The following MYH14 variants were observed in gnomAD, a reference collection of about 807,000 sequenced individuals.
MYH14 encodes the protein myosin heavy chain 14, also known as myosin-14.
MYH14 carries 123 observed loss-of-function variants against 255.5 expected under a neutral mutation model. The observed-to-expected ratio is 0.48, with a 90% confidence interval of 0.42 to 0.56. The LOEUF is 0.56. MYH14 is among the 20% of genes least tolerant of loss of function. The pLI is 0.00. For missense variants in MYH14, 2,423 were observed against 2,802.3 expected, an observed-to-expected ratio of 0.86 and a Z score of 3.06; for synonymous variants, 1,095 against 1,161.2, an observed-to-expected ratio of 0.94 and a Z score of 1.16.
intron 8 of MYH14, among the ~76,000 whole-genome samples, chr19:50,228,866 G>A (rs917406407): frequency 5.9e-5 from 9 of 152,124 alleles, no homozygotes; most frequent in African/African-American, 1.7e-4. Context: ...ATCAGGTCCC[G>A]CCCCCAGGCC....
chr19:50,227,074 G>C (rs576556064), intron 8 of MYH14, 108 bp downstream of exon 8: 45 of 646,624 alleles, frequency 7.0e-5, no homozygotes, highest in South Asian at 6.2e-4. Context: ...CTGCTACTCA[G>C]ATGGGACCTG....
chr19:50,210,641 G>A lies in MYH14; in HGVS notation c.276G>A (p.Pro92=), dbSNP rs913915720. The change falls in exon 2 of 43, where the codon CCG becomes CCA. Residue 92 remains proline (P), a synonymous_variant. Transcript: ENST00000642316. ...AGAGCGGGAGGCGGCTGCGACTGCCGCGGGACCAGATCCAGCGCATGAACC... is the reference window on the plus strand; with the variant it reads ...AGAGCGGGAGGCGGCTGCGACTGCCACGGGACCAGATCCAGCGCATGAACC... The part of the protein sequence containing the change: ...LAESGRRLRL[P]RDQIQRMNPP... 3.2e-6 allele frequency: 5 copies of A among 1,570,558 alleles called. No homozygotes were observed. The highest frequency in any genetic ancestry group is 1.2e-5 in the South Asian group (1 of 85,756).
chr19:50,278,224 C>T lies in MYH14; in HGVS notation c.3967C>T (p.Gln1323Ter). The part of the protein sequence containing the change: ...RRLELQLQEV[Q>*]GRAGDGERAR... ...CCTGGAGTTACAGCTGCAGGAGGTGCAGGGCCGGGCTGGTGATGGGGAGAG... is the reference window on the plus strand; with the variant it reads ...CCTGGAGTTACAGCTGCAGGAGGTGTAGGGCCGGGCTGGTGATGGGGAGAG... The change falls in exon 30 of 43, where the codon CAG becomes TAG. Residue 1323 changes from glutamine (Q) to a stop codon, truncating the protein, a stop_gained. Coordinates refer to ENST00000642316, the MANE Select transcript of MYH14 (RefSeq NM_001145809.2). LOFTEE classifies it high-confidence loss of function. 2 of 1,602,388 alleles carry T rather than the reference C, an allele frequency of 1.2e-6. No individual in the cohort carries two copies. The highest frequency in any genetic ancestry group is 1.3e-5 in the African/African-American group (1 of 74,808).
chr19:50,239,612 C>T (rs1046927283), intron 10 of MYH14, among the ~76,000 whole-genome samples: 4 of 151,920 alleles, frequency 2.6e-5, no homozygotes, highest in Admixed American at 6.6e-5. Flanking sequence ...TGCAGTGGCC[C>T]GATCTCCGCT....
At position 50,310,143 on chromosome 19, in the gene MYH14, C is replaced by G. The variant is rs186982330; in HGVS notation, c.*353C>G. The G allele has an allele frequency of 5.7e-6, 2 of 353,600 alleles. No individual in the cohort carries two copies. Among genetic ancestry groups the G allele is most frequent in the African/African-American group, 4.3e-5 (2 of 46,182 alleles). 21.9% of individuals were successfully genotyped at this position (353,600 alleles called of 1,614,324 possible). The stretch of plus-strand genomic sequence containing the variant: ...GGAGTGAGACGGCTCCTCCACCATC[C>G]TCAGCCAGTGCAACCCATTCCCTCT... On this transcript the variant is annotated 3_prime_UTR_variant, in exon 43 of 43. Coordinates refer to ENST00000642316, the MANE Select transcript of MYH14 (RefSeq NM_001145809.2).
chr19:50,223,042 ACT>A, intron 3 of MYH14, 39 bp from the exon 4 acceptor site: 2 of 1,597,532 alleles, frequency 1.3e-6, no homozygotes, highest in Non-Finnish European at 1.7e-6. Context: ...CCTGCTAGAG[ACT>A]CTCTCAGATG....
chr19:50,247,514 A>T (rs1019355679), intron 12 of MYH14, among the ~76,000 whole-genome samples: 2 of 151,966 alleles, frequency 1.3e-5, no homozygotes, highest in African/African-American at 4.8e-5. Flanking sequence ...TAAAAAAATT[A>T]AAAAATTTAA....
Position 50,275,985 on chromosome 19 carries a change from C to A in MYH14, c.3468-6C>A. On this transcript the variant is annotated splice_region_variant and splice_polypyrimidine_tract_variant and intron_variant, in intron 27 of 42. Coordinates refer to ENST00000642316, the MANE Select transcript of MYH14 (RefSeq NM_001145809.2). ...GTATCAACTCCACGGTTCTTGTCAC[C>A]CCCAGGGCAGAAGACGAGGGTGGGG... is the stretch of plus-strand genomic sequence containing the variant. The A allele has an allele frequency of 3.1e-6, 5 of 1,610,950 alleles. No individual in the cohort carries two copies. The highest frequency in any genetic ancestry group is 4.2e-6 in the Non-Finnish European group (5 of 1,178,404).
chr19:50,232,666 G>C (rs1044141139), intron 10 of MYH14, among the ~76,000 whole-genome samples: 1 of 151,018 alleles, frequency 6.6e-6, no homozygotes, highest in African/African-American at 2.4e-5. Context: ...GAGGGGCACA[G>C]CTTTAAGCAG....
intron 1 of MYH14, 63 bp from the exon 2 acceptor site, chr19:50,210,300 G>C (rs1451687701): frequency 2.8e-6 from 4 of 1,436,532 alleles, no homozygotes; most frequent in Non-Finnish European, 3.7e-6. Context: ...ATTTGGGGTA[G>C]GGAAGGGAGG....
In MYH14 at chr19:50,309,774, C is replaced by G; in HGVS notation, c.6095C>G (p.Pro2032Arg). Residue 2032 changes from proline to arginine, a missense_variant, in exon 43 of 43, where the codon CCA (proline) becomes CGA (arginine). By Grantham distance (103) the Pro-to-Arg change is moderately radical (BLOSUM62 -2). Transcript: ENST00000642316. The stretch of plus-strand genomic sequence containing the variant: ...TCCCCGGAGCCTGAGGGGTCCCCAC[C>G]AGCCCACCCCCAGTGACCCTACCCT... ...GPSPEPEGSP[P>R]AHPQ The G allele has an allele frequency of 6.5e-7, 1 of 1,542,750 alleles. No individual in the cohort carries two copies. Among genetic ancestry groups the G allele is most frequent in the South Asian group, 1.2e-5 (1 of 85,736 alleles).
At chr19:50,308,860 A>G in intron 41 of MYH14, 145 bp from the exon 42 acceptor site, 1 of 816,810 alleles carries the variant, frequency 1.2e-6, no homozygotes, top group Admixed American at 2.9e-5. Context: ...GATTTAGGAG[A>G]AAAGAACAAG....
Position 50,309,183 on chromosome 19 carries a change from G to A in MYH14, c.5960+6G>A, listed in dbSNP as rs1170583551. ...ACACTGAGGAACCGGCTTCGGTATG[G>A]TCATCCCACGTACAGGCCTGACGGG... On this transcript the variant is annotated splice_donor_region_variant and intron_variant, in intron 42 of 42. Coordinates refer to ENST00000642316, the MANE Select transcript of MYH14 (RefSeq NM_001145809.2). 2.9e-5 allele frequency: 47 copies of A among 1,613,638 alleles called. No homozygotes were observed. The highest frequency in any genetic ancestry group is 3.9e-5 in the Non-Finnish European group (46 of 1,179,634).
At chr19:50,269,092 A>T (rs1399358589) in intron 24 of MYH14, among the ~76,000 whole-genome samples, 2 of 152,246 alleles carry the variant, frequency 1.3e-5, no homozygotes, top group Admixed American at 1.3e-4. Flanking sequence ...CTGGTTTTAA[A>T]TTTAAAATAA....
chr19:50,295,122 A>G (rs547845790), intron 39 of MYH14, among the ~76,000 whole-genome samples: 15 of 151,448 alleles, frequency 9.9e-5, no homozygotes, highest in Non-Finnish European at 1.5e-4. Context: ...TCAGGAGATC[A>G]AGACCATCCT....
intron 33 of MYH14, among the ~76,000 whole-genome samples, chr19:50,283,229 C>A (rs546923678): frequency 3.2e-4 from 49 of 152,156 alleles, no homozygotes; most frequent in African/African-American, 1.2e-3. Context: ...AAGCGATTCT[C>A]GTGCCTCAGC....
In MYH14 at chr19:50,309,927, A is replaced by AC; in HGVS notation, c.*142dup. 1.1e-6 allele frequency: 1 copy of AC among 898,040 alleles called. No individual in the cohort carries two copies. The allele number at this position is 898,040 out of a possible 1,614,324, so 55.6% of individuals were successfully genotyped here. A position where few individuals can be genotyped will look rare whatever the true frequency, so the allele number is the denominator to read the frequency against. On this transcript the variant is annotated 3_prime_UTR_variant, in exon 43 of 43. Transcript: ENST00000642316. ...ATGGTGCAGCACTCTGGCATTTATC[A>AC]CCCCCACCTGGGTCCCCTGCAACCT...
At chr19:50,244,401 T>C (rs1298355928) in intron 11 of MYH14, 64 bp downstream of exon 11, 2 of 1,301,114 alleles carry the variant, frequency 1.5e-6, no homozygotes, top group Admixed American at 1.7e-5. Flanking sequence ...CCAGCCCTCC[T>C]GCACCCCTGT....
intron 41 of MYH14, among the ~76,000 whole-genome samples, chr19:50,307,494 A>C (rs752073685): frequency 3.3e-5 from 5 of 152,166 alleles, no homozygotes; most frequent in Admixed American, 6.5e-5. Context: ...TACTGTGTTT[A>C]ATTCTTATCA....
Sources: gnomAD v4.1 joint callset for allele counts (sites outside exome capture counted in the v4.1 genomes callset) on GRCh38, gnomAD v4.1.1 for gene constraint, MANE v1.5 for transcripts, NCBI Gene and HGNC (gene_info 2026-07-23, HGNC 2026-07-21) for gene names.